Variants in C8orf34 observed in about 807,000 individuals in gnomAD.
The protein encoded by C8orf34 is uncharacterized protein C8orf34.
C8orf34 carries 65 observed loss-of-function variants against 68.3 expected under a neutral mutation model. That is an observed-to-expected ratio of 0.95 (90% CI 0.78 to 1.17). The LOEUF is 1.17. Ranked by LOEUF, C8orf34 falls within the 50% of genes most tolerant of loss-of-function variation. C8orf34 has a pLI of 0.00. For synonymous variants in C8orf34, 244 were observed against 241.2 expected (o/e 1.01, Z -0.11); for missense variants, 664 against 655.4 (o/e 1.01, Z -0.14).
At chr8:68,476,607 G>A (rs897983403) in intron 4 of C8orf34, among the ~76,000 whole-genome samples, 3 of 152,142 alleles carry the variant, frequency 2.0e-5, no homozygotes, top group East Asian at 1.9e-4. Flanking sequence ...GGGAAAGGGC[G>A]AGTTGGGTTT....
chr8:68,703,721 G>A (rs1347570424), intron 8 of C8orf34, among the ~76,000 whole-genome samples: 1 of 151,984 alleles, frequency 6.6e-6, no homozygotes, highest in African/African-American at 2.4e-5. Context: ...ATTCTTGTGG[G>A]GTTGAGCAAC....
intron 1 of C8orf34, among the ~76,000 whole-genome samples, chr8:68,379,927 C>T (rs947707607): frequency 2.0e-5 from 3 of 152,208 alleles, no homozygotes; most frequent in Non-Finnish European, 4.4e-5. Flanking sequence ...TTATGGCTCA[C>T]TGTAGGGTCA....
intron 10 of C8orf34, among the ~76,000 whole-genome samples, chr8:68,755,011 A>G (rs910737957): frequency 1.3e-5 from 2 of 152,212 alleles, no homozygotes; most frequent in African/African-American, 4.8e-5. Flanking sequence ...TCTGGACACT[A>G]CAAAACTGAA....
chr8:68,497,511 A>C (rs1341137451), intron 5 of C8orf34, among the ~76,000 whole-genome samples: 2 of 152,196 alleles, frequency 1.3e-5, no homozygotes, highest in African/African-American at 4.8e-5. Flanking sequence ...ATTTCTATGA[A>C]TCTATTCCAA....
intron 7 of C8orf34, among the ~76,000 whole-genome samples, chr8:68,549,653 T>C (rs1816000238): frequency 6.6e-6 from 1 of 151,722 alleles, no homozygotes; most frequent in South Asian, 2.1e-4. Flanking sequence ...AAAATTAAAC[T>C]TGAAATTTGG....
intron 10 of C8orf34, among the ~76,000 whole-genome samples, chr8:68,730,185 T>A (rs1821940665): frequency 6.6e-6 from 1 of 152,138 alleles, no homozygotes; most frequent in Non-Finnish European, 1.5e-5. Context: ...TCTCACCAAA[T>A]AGAAGTAATA....
chr8:68,533,699 T>A, intron 7 of C8orf34: 2 of 953,244 alleles, frequency 2.1e-6, no homozygotes, highest in Non-Finnish European at 2.5e-6. Flanking sequence ...ATTAATCTTG[T>A]ATATGTAGGA....
At chr8:68,641,035 C>CAGCT (rs1818992253) in intron 8 of C8orf34, among the ~76,000 whole-genome samples, 1 of 152,194 alleles carries the variant, frequency 6.6e-6, no homozygotes, top group Non-Finnish European at 1.5e-5. Context: ...ACTGCCAAGT[C>CAGCT]AGCTCCCAGT....
intron 3 of C8orf34, among the ~76,000 whole-genome samples, chr8:68,455,028 G>A (rs1431797847): frequency 1.3e-5 from 2 of 151,734 alleles, no homozygotes; most frequent in African/African-American, 4.8e-5. Flanking sequence ...TGAGAATATT[G>A]TTTAATTTTC....
chr8:68,685,623 A>T (rs957769074), intron 8 of C8orf34, among the ~76,000 whole-genome samples: 2 of 152,090 alleles, frequency 1.3e-5, no homozygotes, highest in Non-Finnish European at 2.9e-5. Flanking sequence ...TGGGAGGCCA[A>T]GGCAGGTGGA....
intron 7 of C8orf34, among the ~76,000 whole-genome samples, chr8:68,597,091 C>T (rs1817566729): frequency 6.6e-6 from 1 of 151,902 alleles, no homozygotes; most frequent in South Asian, 2.1e-4. Flanking sequence ...TCACATTGCC[C>T]CTGGGAAACA....
chr8:68,792,131 C>A (rs2978243), intron 12 of C8orf34: 6 of 152,078 alleles, frequency 3.9e-5, no homozygotes, highest in Non-Finnish European at 5.9e-5. Flanking sequence ...CTGCTGAAGA[C>A]GAGCTCTCAA....
intron 8 of C8orf34, among the ~76,000 whole-genome samples, chr8:68,701,764 T>C (rs16934921): frequency 0.023 from 3,466 of 152,158 alleles, 133 homozygotes; most frequent in African/African-American, 0.077. Context: ...GAAGACTAGA[T>C]TATTCATCAT....
At chr8:68,376,005 T>A (rs1037523480) in intron 1 of C8orf34, among the ~76,000 whole-genome samples, 4 of 152,062 alleles carry the variant, frequency 2.6e-5, no homozygotes, top group Non-Finnish European at 5.9e-5. Flanking sequence ...GCCTACAATA[T>A]ACCATGACTG....
intron 11 of C8orf34, among the ~76,000 whole-genome samples, chr8:68,783,762 C>T (rs762610864): frequency 6.6e-6 from 1 of 152,028 alleles, no homozygotes; most frequent in Non-Finnish European, 1.5e-5. Flanking sequence ...GCCCCAACCA[C>T]CTCGGGCACA....
intron 1 of C8orf34, among the ~76,000 whole-genome samples, chr8:68,410,958 T>C (rs941733980): frequency 6.6e-6 from 1 of 152,190 alleles, no homozygotes; most frequent in African/African-American, 2.4e-5. Context: ...CTGACCCTTG[T>C]AGTAAGAATA....
Position 68,543,376 on chromosome 8 carries a change from G to T in C8orf34, c.1105+10227G>T, listed in dbSNP as rs145251396. 8.5e-5 allele frequency among the ~76,000 whole-genome samples: 13 copies of T among 152,090 alleles called. No homozygotes were observed. The East Asian group carries it at 2.3e-3, about 27-fold the overall frequency. On this transcript the variant is annotated intron_variant, in intron 7 of 13. Coordinates refer to ENST00000518698, the MANE Select transcript of C8orf34 (RefSeq NM_052958.4). ...AGCACAGAAATACAGAAGTCAAAAT[G>T]AATAAATAAATATTACCTTGGAATA...
At chr8:68,792,091 T>C (rs1277794994) in intron 12 of C8orf34, 1 of 152,156 alleles carries the variant, frequency 6.6e-6, no homozygotes. Flanking sequence ...CTGGGGCATT[T>C]AGAACTCCCA....
intron 10 of C8orf34, among the ~76,000 whole-genome samples, chr8:68,745,530 A>G (rs1165731445): frequency 6.6e-6 from 1 of 152,186 alleles, no homozygotes; most frequent in Non-Finnish European, 1.5e-5. Context: ...AAATAAAAGA[A>G]TGGAGGAAGG....
Sources: allele counts gnomAD v4.1 joint callset (sites outside exome capture counted in the v4.1 genomes callset), GRCh38; gene constraint gnomAD v4.1.1; transcripts MANE v1.5; gene names NCBI Gene and HGNC (gene_info 2026-07-23, HGNC 2026-07-21).